PCDHA10: variants seen among roughly 807,000 people sequenced by gnomAD.
PCDHA10 encodes the protein protocadherin alpha 10.
Under a neutral mutation model 61.2 loss-of-function variants are expected in PCDHA10, and 45 were observed. The ratio of observed to expected loss-of-function variants is 0.74; its 90% CI spans 0.58 to 0.94. The LOEUF is 0.94. Ranked by LOEUF, PCDHA10 falls within the 40% of genes least tolerant of loss-of-function variation. PCDHA10 has a pLI of 0.00. For synonymous variants in PCDHA10, 602 were observed against 548.8 expected (o/e 1.10, Z -1.35); for missense variants, 1,278 against 1,236.2 (o/e 1.03, Z -0.51).
chr5:140,926,652 C>T, intron 1 of PCDHA10: 1 of 499,312 alleles, frequency 2.0e-6, no homozygotes, highest in East Asian at 3.6e-5. Flanking sequence ...CGGCCGGCTC[C>T]GCTTTCCCAG....
intron 3 of PCDHA10, among the ~76,000 whole-genome samples, chr5:141,008,176 C>T (rs2098363819): frequency 6.6e-6 from 1 of 152,032 alleles, no homozygotes; most frequent in East Asian, 1.9e-4. Context: ...AAAATGTGAC[C>T]ATTGATTGTG....
intron 1 of PCDHA10, among the ~76,000 whole-genome samples, chr5:140,885,158 T>C (rs1250241606): frequency 6.6e-6 from 1 of 152,198 alleles, no homozygotes; most frequent in African/African-American, 2.4e-5. Flanking sequence ...TGATTGTCTC[T>C]ACTTTTTTGT....
At chr5:140,870,295 T>G (rs1037957284) in intron 1 of PCDHA10, 1 of 1,614,054 alleles carries the variant, frequency 6.2e-7, no homozygotes, top group Non-Finnish European at 8.5e-7. Context: ...CAAGCTGGTG[T>G]CCACCTTCAA....
chr5:140,884,357 A>C, intron 1 of PCDHA10: 1 of 1,613,864 alleles, frequency 6.2e-7, no homozygotes. Context: ...GGTGGATGTC[A>C]ATGTTTACTT....
At chr5:140,918,007 G>C (rs1313004826) in intron 1 of PCDHA10, among the ~76,000 whole-genome samples, 1 of 151,954 alleles carries the variant, frequency 6.6e-6, no homozygotes, top group Non-Finnish European at 1.5e-5. Context: ...TAACAATGTT[G>C]TTTCTTCCTA....
intron 1 of PCDHA10, among the ~76,000 whole-genome samples, chr5:140,898,264 C>T (rs1360270871): frequency 6.6e-6 from 1 of 152,166 alleles, no homozygotes; most frequent in Non-Finnish European, 1.5e-5. Context: ...AGTCCTTGCC[C>T]ATGCCTAAGT....
intron 1 of PCDHA10, among the ~76,000 whole-genome samples, chr5:140,974,134 C>T (rs1212348196): frequency 1.3e-5 from 2 of 152,290 alleles, no homozygotes; most frequent in East Asian, 1.9e-4. Flanking sequence ...AATCTGCTAA[C>T]CTGAAAACTA....
intron 1 of PCDHA10, chr5:140,861,480 T>C (rs2046942458): frequency 4.1e-6 from 2 of 490,608 alleles, no homozygotes; most frequent in African/African-American, 2.0e-5. Flanking sequence ...GAATGGCATT[T>C]TTGTGAGTTC....
At chr5:140,898,624 A>G (rs1374108541) in intron 1 of PCDHA10, among the ~76,000 whole-genome samples, 13 of 152,248 alleles carry the variant, frequency 8.5e-5, no homozygotes, top group African/African-American at 2.6e-4. Flanking sequence ...CAGGTAGCAT[A>G]ATGCCTCCAG....
At chr5:140,893,117 T>C (rs536917492) in intron 1 of PCDHA10, among the ~76,000 whole-genome samples, 72 of 152,356 alleles carry the variant, frequency 4.7e-4, no homozygotes, top group South Asian at 1.2e-3. Flanking sequence ...GTTGTGCATA[T>C]ACACCACATT....
intron 3 of PCDHA10, among the ~76,000 whole-genome samples, chr5:140,983,182 C>G (rs782457174): frequency 1.3e-5 from 2 of 152,188 alleles, no homozygotes; most frequent in Non-Finnish European, 2.9e-5. Flanking sequence ...CTCACAATTT[C>G]TTAGTTTAGA....
chr5:140,898,547 A>C (rs1337213913), intron 1 of PCDHA10, among the ~76,000 whole-genome samples: 3 of 152,078 alleles, frequency 2.0e-5, no homozygotes, highest in Non-Finnish European at 4.4e-5. Flanking sequence ...CCATTTATCT[A>C]TGTCTCTGTT....
chr5:140,967,842 A>G (rs1239466478), intron 1 of PCDHA10: 1 of 1,614,042 alleles, frequency 6.2e-7, no homozygotes, highest in Non-Finnish European at 8.5e-7. Flanking sequence ...GTGGACGTGA[A>G]TGACAATGCC....
chr5:140,901,443 T>C (rs1288584501), intron 1 of PCDHA10, among the ~76,000 whole-genome samples: 2 of 152,202 alleles, frequency 1.3e-5, no homozygotes, highest in Non-Finnish European at 2.9e-5. Flanking sequence ...ATATCTAGTT[T>C]CCCAGCACAG....
intron 2 of PCDHA10, 146 bp downstream of exon 2, chr5:140,979,153 G>A (rs2096837239): frequency 2.8e-6 from 4 of 1,434,028 alleles, no homozygotes; most frequent in Non-Finnish European, 2.7e-6. Context: ...TTGTCCCCAT[G>A]TTTATTCCTT....
At chr5:140,865,067 T>C (rs2048722686) in intron 1 of PCDHA10, 1 of 152,340 alleles carries the variant, frequency 6.6e-6, no homozygotes, top group South Asian at 2.1e-4. Context: ...ATAACTTAAG[T>C]ATAAGAACCA....
intron 1 of PCDHA10, among the ~76,000 whole-genome samples, chr5:140,900,073 G>C (rs1490261769): frequency 6.6e-6 from 1 of 152,072 alleles, no homozygotes; most frequent in South Asian, 2.1e-4. Context: ...GCCTCCAAAA[G>C]TGCTGCAGTT....
chr5:140,962,014 G>C (rs2095650512), intron 1 of PCDHA10, among the ~76,000 whole-genome samples: 1 of 151,888 alleles, frequency 6.6e-6, no homozygotes, highest in African/African-American at 2.4e-5. Flanking sequence ...TTCCCGAGTA[G>C]CTGGGACTAC....
At chr5:140,914,097 A>G (rs191641220) in intron 1 of PCDHA10, among the ~76,000 whole-genome samples, 38 of 152,298 alleles carry the variant, frequency 2.5e-4, no homozygotes, top group Admixed American at 9.2e-4. Flanking sequence ...AATTTGTTCT[A>G]TAGTGCAGAT....
Sources: gnomAD v4.1 joint callset for allele counts (sites outside exome capture counted in the v4.1 genomes callset) on GRCh38, gnomAD v4.1.1 for gene constraint, MANE v1.5 for transcripts, NCBI Gene and HGNC (gene_info 2026-07-23, HGNC 2026-07-21) for gene names.